Variants in HYOU1 observed in about 807,000 individuals in gnomAD.
HYOU1 encodes hypoxia up-regulated 1, also known as hypoxia up-regulated protein 1.
HYOU1 carries 40 observed loss-of-function variants against 120.5 expected under a neutral mutation model. The ratio of observed to expected loss-of-function variants is 0.33; its 90% confidence interval spans 0.26 to 0.43. The LOEUF is 0.43. HYOU1 is among the 20% of genes least tolerant of loss of function. The pLI, the probability that HYOU1 is intolerant of heterozygous loss-of-function variation, is 1.00. For missense variants in HYOU1, 1,085 were observed against 1,278.3 expected, an observed-to-expected ratio of 0.85 and a Z score of 2.31; for synonymous variants, 501 against 479.4, an observed-to-expected ratio of 1.05 and a Z score of -0.59.
intron 14 of HYOU1, among the ~76,000 whole-genome samples, 195 bp from the exon 15 acceptor site, chr11:119,050,032 C>T (rs1474663876): frequency 6.6e-6 from 1 of 152,176 alleles, no homozygotes; most frequent in Non-Finnish European, 1.5e-5. Context: ...GGTCCCAGCT[C>T]CTCTTTCTCC....
In HYOU1 at chr11:119,045,766, C is replaced by G. The variant is rs2133544490; in HGVS notation, c.2938+15G>C. On this transcript the variant is annotated intron_variant, in intron 25 of 25. Coordinates refer to ENST00000617285, the MANE Select transcript of HYOU1 (RefSeq NM_006389.5). ...CCCACCAGGCTTCCCACCGTAGCCC[C>G]GGCTCCATCCTCACCTGCTCCAGGA... The G allele has an allele frequency of 5.0e-6, 8 of 1,613,114 alleles. No homozygotes were observed. In the African/African-American group the frequency reaches 9.4e-5, roughly 19 times the overall value.
rs2133595261 is a variant in HYOU1, at chr11:119,052,736, T to A, written c.888A>T (p.Ala296=). 6.2e-7 allele frequency: 1 copy of A among 1,614,242 alleles called. No homozygotes were observed. Among genetic ancestry groups the A allele is most frequent in the African/African-American group, 1.3e-5 (1 of 75,074 alleles). The change falls in exon 9 of 26, where the codon GCA becomes GCT. Residue 296 remains alanine (A), a synonymous_variant. Coordinates refer to ENST00000617285, the MANE Select transcript of HYOU1 (RefSeq NM_006389.5). This position sits in a 1 kb window ranked among gnomAD's most constrained non-coding sequence, Gnocchi z 5.0. ...CACGCGGGTTCTCCCGCACATCCTT[T>A]GCTCTCTGACCCTTGCGCTGCTCAT... is the stretch of plus-strand genomic sequence containing the variant. ...LFNEQRKGQR[A]KDVRENPRAM...
rs1216906230 is a variant in HYOU1 at position 119,052,930 on chromosome 11, A to C, written c.795-101T>G. The C allele has an allele frequency of 6.9e-5, 78 of 1,124,166 alleles. No individual in the cohort carries two copies. In the South Asian group the frequency reaches 9.7e-4, roughly 14 times the overall value. 69.6% of individuals were successfully genotyped at this position (1,124,166 alleles called of 1,614,324 possible). On this transcript the variant is annotated intron_variant, in intron 8 of 25. Transcript: ENST00000617285. This position sits in a 1 kb window ranked among gnomAD's most constrained non-coding sequence, Gnocchi z 5.0. ...CCACATGGCACCTTTCCTTCATCTC[A>C]GGGGACCTTGTTCATCTCCAGTGCC...
intron 8 of HYOU1, chr11:119,053,868 A>G: frequency 2.5e-6 from 1 of 407,826 alleles, no homozygotes; most frequent in Non-Finnish European, 4.4e-6. Flanking sequence ...CACCCTACAT[A>G]TTGCCTGCGG....
At position 119,046,656 on chromosome 11, in the gene HYOU1, G is replaced by C. The variant is rs2133552124; in HGVS notation, c.2742C>G (p.Pro914=). The C allele has an allele frequency of 1.2e-6, 2 of 1,614,170 alleles. No homozygotes were observed. The highest frequency in any genetic ancestry group is 3.3e-5 in the Admixed American group (2 of 60,012). Residue 914 remains proline, a synonymous_variant, in exon 23 of 26, where the codon CCC becomes CCG. Transcript: ENST00000617285. ...YLLNKAKFTK[P]RPRPKDKNGT... ...CATTCTTGTCCTTAGGCCGGGGCCG[G>C]GGCTTGGTAAACTTGGCCTTATTGA...
At position 119,052,344 on chromosome 11, in the gene HYOU1, C is replaced by T. The variant is rs2133592102; in HGVS notation, c.1073G>A (p.Arg358Gln). Residue 358 changes from arginine to glutamine, a missense_variant, in exon 10 of 26, where the codon CGG (arginine) becomes CAG (glutamine). Coordinates refer to ENST00000617285, the MANE Select transcript of HYOU1 (RefSeq NM_006389.5). The surrounding 1 kb of genome is among the most constrained non-coding windows in gnomAD (Gnocchi z 5.0). ...FEELCADLFE[R>Q]VPGPVQQALQ... ...GGCCTGCTGTACAGGCCCAGGCACC[C>T]GCTCAAACAAGTCTGCACACAACTC... 7 of 1,614,098 alleles carry T rather than the reference C, an allele frequency of 4.3e-6. No individual in the cohort carries two copies. Among genetic ancestry groups the T allele is most frequent in the Admixed American group, 3.3e-5 (2 of 60,008 alleles).
At position 119,047,467 on chromosome 11, in the gene HYOU1, TCTG is replaced by T. The variant is rs1473169078; in HGVS notation, c.2595+264_2595+266del. 1.1e-5 allele frequency: 5 copies of T among 436,368 alleles called. No homozygotes were observed. The East Asian group carries it at 2.3e-4, about 20-fold the overall frequency. 27.0% of individuals were successfully genotyped at this position (436,368 alleles called of 1,614,324 possible). On this transcript the variant is annotated intron_variant, in intron 22 of 25. Transcript: ENST00000617285. ...CACCTAGCCAAACCCTGGCCCATGT[TCTG>T]AACCTAGCTCAAATCCCAGCCCCTC...
intron 1 of HYOU1, chr11:119,056,734 A>G (rs1258970729): frequency 8.1e-6 from 2 of 246,376 alleles, no homozygotes; most frequent in Non-Finnish European, 1.6e-5. Context: ...GTGCCCACAG[A>G]CGCAGTGCCA....
At chr11:119,046,329 C>G (rs782247318) in intron 24 of HYOU1, 88 bp downstream of exon 24, 9 of 1,017,794 alleles carry the variant, frequency 8.8e-6, no homozygotes, top group Admixed American at 3.8e-5. Context: ...AGCTCATGGG[C>G]TGTCTAGAAA....
intron 8 of HYOU1, chr11:119,053,117 T>TG (rs1363996559): frequency 2.7e-6 from 1 of 371,652 alleles, no homozygotes; most frequent in East Asian, 4.6e-5. Context: ...ACAGGGTCCC[T>TG]GCTATGGAAA....
At chr11:119,054,343 T>G (rs1944627227) in intron 7 of HYOU1, 107 bp from the exon 8 acceptor site, 1 of 1,206,642 alleles carries the variant, frequency 8.3e-7, no homozygotes. Flanking sequence ...AACACAAAAC[T>G]AAACAGCTCC....
chr11:119,051,803 A>C lies in HYOU1; in HGVS notation c.1338+16T>G. The C allele has an allele frequency of 6.2e-7, 1 of 1,613,928 alleles. No individual in the cohort carries two copies. Among genetic ancestry groups the C allele is most frequent in the Non-Finnish European group, 8.5e-7 (1 of 1,179,824 alleles). On this transcript the variant is annotated intron_variant, in intron 12 of 25. Coordinates refer to ENST00000617285, the MANE Select transcript of HYOU1 (RefSeq NM_006389.5). The surrounding 1 kb of genome is among the most constrained non-coding windows in gnomAD (Gnocchi z 4.2). ...GGTAAAGGGAGCTTGTCACCTGCTC[A>C]GTCAGGCTCACTCACCAGGATGGGG... is the stretch of plus-strand genomic sequence containing the variant.
Position 119,045,642 on chromosome 11 carries a change from T to C in HYOU1, c.2951A>G (p.Lys984Arg). The C allele has an allele frequency of 1.2e-6, 2 of 1,614,212 alleles. No individual in the cohort carries two copies. Among genetic ancestry groups the C allele is most frequent in the South Asian group, 1.1e-5 (1 of 91,086 alleles). ...LGGPGAEPEQ[K>R]EQSTGQKRPL... ...CCGCTTCTGTCCTGTCGATTGTTCT[T>C]TCTGTTCAGGTTCTGTTGGGAGTTT... The change falls in exon 26 of 26, where the codon AAA (lysine) becomes AGA (arginine). Residue 984 changes from lysine to arginine, a missense_variant. Lys to Arg is a conservative substitution (Grantham distance 26). Coordinates refer to ENST00000617285, the MANE Select transcript of HYOU1 (RefSeq NM_006389.5).
intron 14 of HYOU1, among the ~76,000 whole-genome samples, chr11:119,050,800 A>C (rs1398762721): frequency 1.3e-5 from 2 of 151,606 alleles, no homozygotes; most frequent in Admixed American, 1.3e-4. Context: ...AGAAATTTAC[A>C]ATGCCTATAT....
In HYOU1 at chr11:119,055,872, C is replaced by G. The variant is rs140505464; in HGVS notation, c.92-29G>C. On this transcript the variant is annotated intron_variant, in intron 2 of 25. Transcript: ENST00000617285. This position sits in a 1 kb window ranked among gnomAD's most constrained non-coding sequence, Gnocchi z 4.0. ...AAGGGAAAAGAGGTTTGTCAGTTAG[C>G]TCTCCCTTCGCCCACCTTCCTGGGA... 12 of 1,587,998 alleles carry G rather than the reference C, an allele frequency of 7.6e-6. No homozygotes were observed. The highest frequency in any genetic ancestry group is 1.0e-5 in the Non-Finnish European group (12 of 1,156,172).
At chr11:119,054,758 A>G (rs1944652592) in intron 6 of HYOU1, 83 bp from the exon 7 acceptor site, 3 of 1,416,128 alleles carry the variant, frequency 2.1e-6, no homozygotes, top group Non-Finnish European at 2.9e-6. Context: ...GACATTTTGG[A>G]CTAGGTAATT....
rs2133549857 is a variant in HYOU1 at position 119,046,427 on chromosome 11, T to G, written c.2877A>C (p.Lys959Asn). The stretch of plus-strand genomic sequence containing the variant: ...GTTGCTCCAACTCACCAGTCTCTAC[T>G]TTCTCAGGTTCTGAAATGGGCTCTG... ...EDAEPISEPE[K>N]VETGSEPGDT... The change falls in exon 24 of 26, where the codon AAA (lysine) becomes AAC (asparagine). Residue 959 changes from lysine (K) to asparagine (N), a missense_variant. By Grantham distance (94) the Lys-to-Asn change is moderately conservative (BLOSUM62 0). This residue lies in a region of HYOU1 where 516 missense variants were observed against 517.1 expected (regional missense o/e 1.00). Transcript: ENST00000617285. The G allele has an allele frequency of 6.2e-7, 1 of 1,614,148 alleles. No homozygotes were observed. Among genetic ancestry groups the G allele is most frequent in the South Asian group, 1.1e-5 (1 of 91,080 alleles).
Position 119,054,409 on chromosome 11 carries a change from G to T in HYOU1, c.678+85C>A, listed in dbSNP as rs1309554155. On this transcript the variant is annotated intron_variant, in intron 7 of 25. Transcript: ENST00000617285. ...TTTTGCCAAGGGTCAGCCCAGCCAT[G>T]CAAACCAGATGCAAAAGGGACCAAG... 13 of 1,436,232 alleles carry T rather than the reference G, an allele frequency of 9.1e-6. No homozygotes were observed. In the East Asian group the frequency reaches 2.7e-4, roughly 30 times the overall value. 89.0% of individuals were successfully genotyped at this position (1,436,232 alleles called of 1,614,324 possible).
intron 8 of HYOU1, 95 bp downstream of exon 8, chr11:119,054,026 G>C: frequency 1.4e-6 from 1 of 731,466 alleles, no homozygotes; most frequent in Non-Finnish European, 2.4e-6. Flanking sequence ...CATTCCTGCA[G>C]CATGCAGGAA....
Sources: gnomAD v4.1 joint callset for allele counts (sites outside exome capture counted in the v4.1 genomes callset) on GRCh38, gnomAD v4.1.1 for gene constraint, gnomAD v4.1.1 regional missense constraint, Gnocchi (gnomAD v3.1) non-coding constraint, MANE v1.5 for transcripts, NCBI Gene and HGNC (gene_info 2026-07-23, HGNC 2026-07-21) for gene names.